Variants in BBOF1 observed in about 807,000 individuals in gnomAD.
BBOF1 encodes the protein basal body-orientation factor 1.
BBOF1 carries 62 observed loss-of-function variants against 68.0 expected under a neutral mutation model. The ratio of observed to expected loss-of-function variants is 0.91; its 90% CI spans 0.74 to 1.13. BBOF1 has a LOEUF of 1.13. Among genes scored for constraint, BBOF1 ranks in the 50% most tolerant of loss-of-function variants. The pLI, the probability that BBOF1 is intolerant of heterozygous loss-of-function variation, is 0.00. For missense variants in BBOF1, 534 were observed against 600.1 expected (o/e 0.89, Z 1.15); for synonymous variants, 208 against 198.8 (o/e 1.05, Z -0.39).
At chr14:74,019,643 C>T (rs557331903) in intron 1 of BBOF1, 109 bp downstream of exon 1, 264 of 1,498,626 alleles carry the variant, frequency 1.8e-4, no homozygotes, top group Non-Finnish European at 2.1e-5. Context: ...ACCCTCTCCC[C>T]GGCTCTCCCG....
chr14:74,032,539 G>C (rs2059596580), intron 3 of BBOF1, among the ~76,000 whole-genome samples: 1 of 150,206 alleles, frequency 6.7e-6, no homozygotes, highest in South Asian at 2.1e-4. Flanking sequence ...TGTCACCCAG[G>C]CTGGAGTGCA....
chr14:74,070,345 C>G (rs1264052323), downstream of BBOF1, among the ~76,000 whole-genome samples: 1 of 151,866 alleles, frequency 6.6e-6, no homozygotes, highest in Non-Finnish European at 1.5e-5. Flanking sequence ...ATGGTGAAAC[C>G]CCATCTGTAC....
At chr14:74,072,849 G>A (rs963013796) in intron 9 of BBOF1, among the ~76,000 whole-genome samples, 1 of 152,006 alleles carries the variant, frequency 6.6e-6, no homozygotes, top group African/African-American at 2.4e-5. Flanking sequence ...CCAGTCTGGA[G>A]CACACAGTGG....
intron 9 of BBOF1, 61 bp from the exon 10 acceptor site, chr14:74,056,845 T>C (rs1273997374): frequency 9.1e-7 from 1 of 1,103,408 alleles, no homozygotes; most frequent in Non-Finnish European, 1.3e-6. Flanking sequence ...AAAAAGAAAA[T>C]ATGAAGGCAT....
chr14:74,043,216 A>T (rs1462904094), intron 5 of BBOF1, among the ~76,000 whole-genome samples: 1 of 152,022 alleles, frequency 6.6e-6, no homozygotes, highest in Non-Finnish European at 1.5e-5. Flanking sequence ...CTATTCTTTG[A>T]ATCACAAAGC....
In BBOF1 at chr14:74,057,349, G is replaced by T; in HGVS notation, c.1578+91G>T. 4 of 1,586,396 alleles carry T rather than the reference G, an allele frequency of 2.5e-6. No individual in the cohort carries two copies. The South Asian group carries it at 4.5e-5, about 18-fold the overall frequency. Reference sequence around the variant, plus strand: ...TAAATCACGGTTATTTTCTCTACTAGTTGAGAGACTTCAGGGATCAGTGGA... The same window carrying T: ...TAAATCACGGTTATTTTCTCTACTATTTGAGAGACTTCAGGGATCAGTGGA... On this transcript the variant is annotated intron_variant, in intron 11 of 11. Transcript: ENST00000394009.
At chr14:74,082,285 C>T (rs938377566) in intron 12 of BBOF1, among the ~76,000 whole-genome samples, 1 of 151,408 alleles carries the variant, frequency 6.6e-6, no homozygotes, top group Non-Finnish European at 1.5e-5. Flanking sequence ...GACTACTCTT[C>T]GTGGCAGAGA....
At chr14:74,066,608 A>T, downstream of BBOF1, 1 of 1,203,628 alleles carries the variant, frequency 8.3e-7, no homozygotes, top group Non-Finnish European at 1.2e-6. Flanking sequence ...ATAAGGTCTT[A>T]GTCATTAAGT....
At chr14:74,048,936 G>C (rs1199327816) in intron 7 of BBOF1, among the ~76,000 whole-genome samples, 1 of 152,164 alleles carries the variant, frequency 6.6e-6, no homozygotes, top group Non-Finnish European at 1.5e-5. Context: ...GCAGTGGCAT[G>C]ATCTTGGCTC....
chr14:74,074,995 C>A, intron 9 of BBOF1: 1 of 1,614,056 alleles, frequency 6.2e-7, no homozygotes, highest in Non-Finnish European at 8.5e-7. Flanking sequence ...CCAGGTGGGA[C>A]TGGATTTCAC....
chr14:74,056,880 T>A (rs1414497274), intron 9 of BBOF1, 26 bp from the exon 10 acceptor site: 1 of 1,535,050 alleles, frequency 6.5e-7, no homozygotes, highest in African/African-American at 1.4e-5. Context: ...TCATTCATTA[T>A]CTTTGTTGAC....
At position 74,055,601 on chromosome 14, in the gene BBOF1, A is replaced by T; in HGVS notation, c.1304A>T (p.Asn435Ile). Residue 435 changes from asparagine (N) to isoleucine (I), a missense_variant, in exon 9 of 12, where the codon AAT becomes ATT. Coordinates refer to ENST00000394009, the MANE Select transcript of BBOF1 (RefSeq NM_025057.3). ...EAEKWTHIEG[N>I]VDIGDLTWEQ... Reference sequence around the variant, plus strand: ...TTCTTTAGGACACATATTGAAGGAAATGTGGATATTGGAGATTTGACCTGG... The same window carrying T: ...TTCTTTAGGACACATATTGAAGGAATTGTGGATATTGGAGATTTGACCTGG... The T allele has an allele frequency of 6.2e-7, 1 of 1,613,300 alleles. No individual in the cohort carries two copies. Among genetic ancestry groups the T allele is most frequent in the Non-Finnish European group, 8.5e-7 (1 of 1,179,446 alleles).
Position 74,023,154 on chromosome 14 carries a change from T to C in BBOF1, c.285+10T>C. ...GGAGAAAGATAATATGGTAGGTAGGTAGAAAGCCTCCTTGGCCTCATTAAC... is the reference window on the plus strand; with the variant it reads ...GGAGAAAGATAATATGGTAGGTAGGCAGAAAGCCTCCTTGGCCTCATTAAC... On this transcript the variant is annotated intron_variant, in intron 2 of 11. Transcript: ENST00000394009. The C allele has an allele frequency of 6.5e-7, 1 of 1,527,444 alleles. No individual in the cohort carries two copies. The highest frequency in any genetic ancestry group is 8.9e-7 in the Non-Finnish European group (1 of 1,121,352). The allele number at this position is 1,527,444 out of a possible 1,614,324, so 94.6% of individuals were successfully genotyped here.
chr14:74,073,447 A>G (rs985261140), intron 9 of BBOF1, among the ~76,000 whole-genome samples: 2 of 152,138 alleles, frequency 1.3e-5, no homozygotes, highest in Non-Finnish European at 2.9e-5. Flanking sequence ...CAATACTGTG[A>G]TCTCTCTGAG....
chr14:74,036,182 A>G (rs1398787651), intron 4 of BBOF1, among the ~76,000 whole-genome samples: 1 of 152,062 alleles, frequency 6.6e-6, no homozygotes, highest in Non-Finnish European at 1.5e-5. Flanking sequence ...CAGCCTCCCA[A>G]GTAGCAGGGA....
At chr14:74,073,046 C>T (rs1186312716) in intron 9 of BBOF1, among the ~76,000 whole-genome samples, 1 of 152,172 alleles carries the variant, frequency 6.6e-6, no homozygotes, top group African/African-American at 2.4e-5. Context: ...GTGATCCACC[C>T]ACCTCGGCCT....
intron 10 of BBOF1, among the ~76,000 whole-genome samples, chr14:74,079,449 T>A (rs971575065): frequency 2.6e-5 from 4 of 151,284 alleles, no homozygotes; most frequent in African/African-American, 9.7e-5. Flanking sequence ...TTTTTCTTTT[T>A]TTGAGACAGA....
intron 1 of BBOF1, among the ~76,000 whole-genome samples, chr14:74,020,889 A>G (rs57685514): frequency 0.077 from 11,664 of 152,150 alleles, 608 homozygotes; most frequent in South Asian, 0.26. Flanking sequence ...TCATGCCAGA[A>G]AGGGACATCA....
Position 74,071,873 on chromosome 14 carries a change from C to T in BBOF1, n.1380-6323C>T, listed in dbSNP as rs1179593305. The T allele has an allele frequency of 5.0e-6, 8 of 1,612,182 alleles. No individual in the cohort carries two copies. In the Admixed American group the frequency reaches 1.3e-4, roughly 27 times the overall value. On this transcript the variant is annotated intron_variant and non_coding_transcript_variant, in intron 9 of 12. Coordinates refer to the BBOF1 transcript ENST00000492026. ...TCTTCCTTTGGTCCTTCCCAAAAGTCCCATAAGGGGCTCCCAGCTTACGAA... is the reference window on the plus strand; with the variant it reads ...TCTTCCTTTGGTCCTTCCCAAAAGTTCCATAAGGGGCTCCCAGCTTACGAA...
Sources: gnomAD v4.1 joint callset for allele counts (sites outside exome capture counted in the v4.1 genomes callset) on GRCh38, gnomAD v4.1.1 for gene constraint, MANE v1.5 for transcripts, NCBI Gene and HGNC (gene_info 2026-07-23, HGNC 2026-07-21) for gene names.